ZFP64: variants seen among roughly 807,000 people sequenced by gnomAD.
The protein encoded by ZFP64 is zinc finger protein 64.
Under a neutral mutation model 51.6 loss-of-function variants are expected in ZFP64, and 14 were observed. The ratio of observed to expected loss-of-function variants is 0.27; its 90% CI spans 0.18 to 0.42. ZFP64 has a LOEUF of 0.42. Among genes scored for constraint, ZFP64 ranks in the 10% least tolerant of loss-of-function variants. The probability of loss-of-function intolerance (pLI) is 1.00; values close to 1 mark genes in which losing one functional copy is unlikely to be tolerated. For synonymous variants in ZFP64, 375 were observed against 361.4 expected (o/e 1.04, Z -0.43); for missense variants, 754 against 906.8 (o/e 0.83, Z 2.16).
chr20:52,156,005 A>C (rs907590597), intron 5 of ZFP64, among the ~76,000 whole-genome samples: 1 of 152,204 alleles, frequency 6.6e-6, no homozygotes, highest in Non-Finnish European at 1.5e-5. Flanking sequence ...CACACACTGA[A>C]ATTTTTGAAA....
chr20:52,168,383 C>CG (rs1982455063), intron 2 of ZFP64, among the ~76,000 whole-genome samples: 1 of 152,182 alleles, frequency 6.6e-6, no homozygotes, highest in South Asian at 2.1e-4. Context: ...GCTATTTCTC[C>CG]TGGTTTCTCT....
intron 5 of ZFP64, among the ~76,000 whole-genome samples, chr20:52,109,689 G>A (rs1978444959): frequency 6.7e-6 from 1 of 150,340 alleles, no homozygotes; most frequent in Admixed American, 6.7e-5. Flanking sequence ...GCTGAGGCTG[G>A]AGAACTGCTT....
intron 8 of ZFP64, chr20:52,088,378 G>A: frequency 6.2e-7 from 1 of 1,613,096 alleles, no homozygotes; most frequent in Non-Finnish European, 8.5e-7. Context: ...GAGGTTTCCT[G>A]GTCAGGGACT....
At position 52,143,325 on chromosome 20, in the gene ZFP64, A is replaced by G. The variant is rs138082809; in HGVS notation, c.763+16798T>C. Among the ~76,000 whole-genome samples the G allele has an allele frequency of 8.5e-4, 121 of 142,358 alleles. 16 individuals carry two copies. The highest frequency in any genetic ancestry group is 2.9e-3 in the African/African-American group (114 of 39,924). 93.4% of individuals were successfully genotyped at this position (142,358 alleles called of 152,430 possible). ...CTATCCCCTTTAAAGCAACCAACTA[A>G]CCATCCCTAAAACTGAAATAACAAA... On this transcript the variant is annotated intron_variant, in intron 5 of 8. Coordinates refer to the ZFP64 transcript ENST00000361387.
chr20:52,152,770 G>C lies in ZFP64; in HGVS notation c.1422C>G (p.Pro474=), dbSNP rs367736208. 6.2e-7 allele frequency: 1 copy of C among 1,602,082 alleles called. No individual in the cohort carries two copies. The highest frequency in any genetic ancestry group is 8.5e-7 in the Non-Finnish European group (1 of 1,172,224). Residue 474 remains proline (P), a synonymous_variant, in exon 6 of 6, where the codon CCC becomes CCG. Coordinates refer to ENST00000216923, the MANE Select transcript of ZFP64 (RefSeq NM_018197.3). ...QIDPSKQPAT[P]LTVGHLQVPL... ...GCACCTGGAGGTGTCCCACAGTGAGGGGCGTGGCGGGCTGCTTGCTGGGGT... is the reference window on the plus strand; with the variant it reads ...GCACCTGGAGGTGTCCCACAGTGAGCGGCGTGGCGGGCTGCTTGCTGGGGT...
chr20:52,152,324 T>C lies in ZFP64; in HGVS notation c.1868A>G (p.Glu623Gly). ...CACCACTGTCACTTCTGCTGTCCCC[T>C]CCTGAATCAAGGCGTTTAGGCCTTC... ...DFEGLNALIQ[E>G]GTAEVTVVSD... Residue 623 changes from glutamate (E) to glycine (G), a missense_variant, in exon 6 of 6, where the codon GAG (glutamate) becomes GGG (glycine). Around this residue, in one of 3 missense-constraint regions of ZFP64, gnomAD observed 428 missense variants for 472.4 expected, o/e 0.91. Coordinates refer to ENST00000216923, the MANE Select transcript of ZFP64 (RefSeq NM_018197.3). 1 of 1,614,158 alleles carries C rather than the reference T, an allele frequency of 6.2e-7. No individual in the cohort carries two copies. Among genetic ancestry groups the C allele is most frequent in the Non-Finnish European group, 8.5e-7 (1 of 1,180,022 alleles).
chr20:52,146,606 C>T (rs1426878197), downstream of ZFP64, among the ~76,000 whole-genome samples: 3 of 151,230 alleles, frequency 2.0e-5, no homozygotes, highest in Non-Finnish European at 4.4e-5. Context: ...AGAGGGATAG[C>T]ATTAGGAGAT....
chr20:52,161,450 CTTTTTTTTTTTTTT>C (rs11469696), intron 4 of ZFP64, among the ~76,000 whole-genome samples: 1 of 115,184 alleles, frequency 8.7e-6, no homozygotes, highest in Non-Finnish European at 1.7e-5. Flanking sequence ...TGATTGCTTT[CTTTTTTTTTTTTTT>C]TTTTTTTGCC....
In ZFP64 at chr20:52,152,044, A is replaced by T; in HGVS notation, c.*102T>A. The T allele has an allele frequency of 1.4e-6, 2 of 1,473,292 alleles. No individual in the cohort carries two copies. Among genetic ancestry groups the T allele is most frequent in the Non-Finnish European group, 1.8e-6 (2 of 1,113,452 alleles). The allele number at this position is 1,473,292 out of a possible 1,614,324, so 91.3% of individuals were successfully genotyped here. A position where few individuals can be genotyped will look rare whatever the true frequency, so the allele number is the denominator to read the frequency against. On this transcript the variant is annotated 3_prime_UTR_variant, in exon 6 of 6. Coordinates refer to ENST00000216923, the MANE Select transcript of ZFP64 (RefSeq NM_018197.3). ...AGAGCGAGACTCCGTCTCAAAAACA[A>T]AACAAAACAAAGAAAACATTAAGAG...
intron 5 of ZFP64, chr20:52,104,641 TCCC>T: frequency 2.1e-6 from 1 of 468,984 alleles, no homozygotes; most frequent in South Asian, 1.6e-5. Context: ...GGAATGCTCT[TCCC>T]CCGGGTACCT....
intron 7 of ZFP64, among the ~76,000 whole-genome samples, chr20:52,092,274 A>AT (rs960348093): frequency 4.6e-5 from 7 of 152,296 alleles, no homozygotes; most frequent in Admixed American, 2.0e-4. Context: ...GCATTGTAAG[A>AT]TGTTTATCGG....
downstream of ZFP64, among the ~76,000 whole-genome samples, chr20:52,149,402 CT>C (rs1980682429): frequency 6.6e-6 from 1 of 152,120 alleles, no homozygotes; most frequent in East Asian, 1.9e-4. Flanking sequence ...GTCTCTAACA[CT>C]TATTTAAAAA....
intron 7 of ZFP64, among the ~76,000 whole-genome samples, chr20:52,094,785 A>G (rs1399218710): frequency 6.6e-6 from 1 of 152,160 alleles, no homozygotes; most frequent in Non-Finnish European, 1.5e-5. Flanking sequence ...AATGCAATAC[A>G]TTTGAAATAC....
chr20:52,092,206 A>G (rs1177684893), intron 7 of ZFP64, among the ~76,000 whole-genome samples: 1 of 152,200 alleles, frequency 6.6e-6, no homozygotes, highest in Non-Finnish European at 1.5e-5. Context: ...ATACCAACAG[A>G]TCAGGGTTCT....
chr20:52,183,038 G>A (rs1418404928), intron 2 of ZFP64, among the ~76,000 whole-genome samples: 1 of 152,142 alleles, frequency 6.6e-6, no homozygotes, highest in Non-Finnish European at 1.5e-5. Flanking sequence ...TAAGAATTAA[G>A]GCAGTTCCAG....
At chr20:52,179,195 G>C (rs955417625) in intron 2 of ZFP64, among the ~76,000 whole-genome samples, 1 of 152,170 alleles carries the variant, frequency 6.6e-6, no homozygotes, top group East Asian at 1.9e-4. Flanking sequence ...CTTATCTCTT[G>C]TCTGCTGCTA....
At chr20:52,144,709 A>C (rs1228083992) in intron 5 of ZFP64, among the ~76,000 whole-genome samples, 2 of 151,862 alleles carry the variant, frequency 1.3e-5, no homozygotes, top group African/African-American at 4.8e-5. Flanking sequence ...AACCCTTAGC[A>C]TACTAAGTAG....
Position 52,085,365 on chromosome 20 carries a change from GT to G in ZFP64, c.1229-100del. 7.5e-7 allele frequency: 1 copy of G among 1,327,642 alleles called. No homozygotes were observed. 82.2% of individuals were successfully genotyped at this position (1,327,642 alleles called of 1,614,324 possible). Reference sequence around the variant, plus strand: ...CACTTGGCCGCCATGAGATGGTTGGGTTTTGTGAACTCTAAACCCAACCTCC... The same window carrying G: ...CACTTGGCCGCCATGAGATGGTTGGGTTTGTGAACTCTAAACCCAACCTCC... On this transcript the variant is annotated intron_variant, in intron 8 of 8. Coordinates refer to the ZFP64 transcript ENST00000361387. This position sits in a 1 kb window ranked among gnomAD's most constrained non-coding sequence, Gnocchi z 4.3.
chr20:52,188,506 A>C (rs1052399128), intron 1 of ZFP64, among the ~76,000 whole-genome samples: 1 of 150,106 alleles, frequency 6.7e-6, no homozygotes, highest in African/African-American at 2.4e-5. Context: ...AGTAGAGATG[A>C]GGTCTCACCT....
Sources: allele counts gnomAD v4.1 joint callset (sites outside exome capture counted in the v4.1 genomes callset), GRCh38; gene constraint gnomAD v4.1.1; regional missense constraint gnomAD v4.1.1; non-coding constraint Gnocchi (gnomAD v3.1); transcripts MANE v1.5; gene names NCBI Gene and HGNC (gene_info 2026-07-23, HGNC 2026-07-21).